CCDC91: variants seen among roughly 807,000 people sequenced by gnomAD.
The protein encoded by CCDC91 is coiled-coil domain containing 91, also known as coiled-coil domain-containing protein 91.
CCDC91 carries 48 observed loss-of-function variants against 63.2 expected under a neutral mutation model. The observed-to-expected ratio is 0.76, with a 90% CI of 0.60 to 0.97. The LOEUF (loss-of-function observed/expected upper bound fraction) is 0.97. CCDC91 is among the 50% of genes least tolerant of loss of function. The pLI is 0.00. For synonymous variants in CCDC91, 167 were observed against 165.8 expected, an observed-to-expected ratio of 1.01 and a Z score of -0.06; for missense variants, 500 against 494.6, an observed-to-expected ratio of 1.01 and a Z score of -0.10.
intron 8 of CCDC91, among the ~76,000 whole-genome samples, chr12:28,440,760 A>G (rs1949144029): frequency 1.3e-5 from 2 of 152,068 alleles, no homozygotes; most frequent in Admixed American, 1.3e-4. Flanking sequence ...CAGCAGGCTT[A>G]AAAGAAAAAA....
At chr12:28,292,167 G>T (rs1420942556) in intron 3 of CCDC91, among the ~76,000 whole-genome samples, 3 of 152,118 alleles carry the variant, frequency 2.0e-5, no homozygotes, top group Non-Finnish European at 2.9e-5. Flanking sequence ...ATCAGCAAAA[G>T]AACATAAAGT....
At chr12:28,433,271 G>T (rs1948727302) in intron 8 of CCDC91, among the ~76,000 whole-genome samples, 1 of 151,786 alleles carries the variant, frequency 6.6e-6, no homozygotes, top group Non-Finnish European at 1.5e-5. Context: ...TGCCTTTGGT[G>T]TTATATTTAA....
At chr12:28,520,394 T>C (rs530492187) in intron 12 of CCDC91, among the ~76,000 whole-genome samples, 1 of 152,148 alleles carries the variant, frequency 6.6e-6, no homozygotes, top group South Asian at 2.1e-4. Flanking sequence ...CGTTCTTACC[T>C]TTTGCCCACT....
At chr12:28,429,700 T>A (rs1174328301) in intron 8 of CCDC91, among the ~76,000 whole-genome samples, 2 of 152,062 alleles carry the variant, frequency 1.3e-5, no homozygotes, top group Non-Finnish European at 2.9e-5. Flanking sequence ...AAAATTAAGT[T>A]CCTTAAATGC....
chr12:28,527,625 G>A (rs369204521), intron 12 of CCDC91, among the ~76,000 whole-genome samples: 1 of 152,070 alleles, frequency 6.6e-6, no homozygotes, highest in Non-Finnish European at 1.5e-5. Flanking sequence ...TGGGAGTATG[G>A]GGGGGGAACA....
At chr12:28,338,191 G>A (rs1338151159) in intron 6 of CCDC91, among the ~76,000 whole-genome samples, 3 of 151,762 alleles carry the variant, frequency 2.0e-5, no homozygotes, top group Non-Finnish European at 4.4e-5. Flanking sequence ...GGTAATGGAA[G>A]GCCCCTCTGG....
chr12:28,330,129 C>T (rs1008169905), intron 6 of CCDC91, among the ~76,000 whole-genome samples: 7 of 152,052 alleles, frequency 4.6e-5, no homozygotes, highest in Admixed American at 3.9e-4. Context: ...GGGTCTATAC[C>T]CAGTAATGGG....
intron 7 of CCDC91, among the ~76,000 whole-genome samples, chr12:28,369,055 A>C (rs765630271): frequency 5.3e-5 from 8 of 152,144 alleles, no homozygotes; most frequent in Non-Finnish European, 1.2e-4. Context: ...GGCCCTTCCC[A>C]AATCTCATGT....
rs149932944 is a variant in CCDC91, at chr12:28,235,557, C to T, written c.-14-21645C>T. On this transcript the variant is annotated intron_variant, in intron 1 of 12. Transcript: ENST00000536442. ...TCTATTTATTAATCCAACTCTTGTT[C>T]TCCCACCATTAGGTTTCAGTTAATG... 8.0e-5 allele frequency among the ~76,000 whole-genome samples: 12 copies of T among 149,750 alleles called. No individual in the cohort carries two copies. In the East Asian group the frequency reaches 2.0e-3, roughly 25 times the overall value.
chr12:28,308,547 G>T (rs1217286311), intron 6 of CCDC91, among the ~76,000 whole-genome samples: 1 of 151,950 alleles, frequency 6.6e-6, no homozygotes, highest in Non-Finnish European at 1.5e-5. Flanking sequence ...TCAAGGCTCT[G>T]TGTTCCCTTA....
chr12:28,441,162 T>C (rs1949186730), intron 8 of CCDC91, among the ~76,000 whole-genome samples: 1 of 151,508 alleles, frequency 6.6e-6, no homozygotes, highest in South Asian at 2.1e-4. Context: ...TTTTTAGTCA[T>C]TATGGAAATT....
At chr12:28,376,683 A>T (rs1318985676) in intron 7 of CCDC91, among the ~76,000 whole-genome samples, 1 of 151,812 alleles carries the variant, frequency 6.6e-6, no homozygotes, top group Non-Finnish European at 1.5e-5. Flanking sequence ...AAGAGAAAGT[A>T]TCTTTTTGCA....
chr12:28,218,121 C>T (rs1398508461), intron 1 of CCDC91, among the ~76,000 whole-genome samples: 1 of 152,164 alleles, frequency 6.6e-6, no homozygotes, highest in East Asian at 1.9e-4. Flanking sequence ...GCCTGAGACA[C>T]TTTACATACA....
Position 28,201,119 on chromosome 12 carries a change from G to A in CCDC91, c.-15+10478G>A, listed in dbSNP as rs12802812. Among the ~76,000 whole-genome samples the A allele has an allele frequency of 4.0e-5, 6 of 150,614 alleles. No individual in the cohort carries two copies. The South Asian group carries it at 6.3e-4, about 16-fold the overall frequency. Reference sequence around the variant, plus strand: ...CACCTCCCGGACGGGGCGGCTGGCCGGGCGGGGGGCTGACCCCCACCTCCC... The same window carrying A: ...CACCTCCCGGACGGGGCGGCTGGCCAGGCGGGGGGCTGACCCCCACCTCCC... On this transcript the variant is annotated intron_variant, in intron 1 of 12. Transcript: ENST00000536442.
intron 7 of CCDC91, among the ~76,000 whole-genome samples, chr12:28,364,781 C>T (rs754493832): frequency 6.6e-6 from 1 of 152,166 alleles, no homozygotes; most frequent in African/African-American, 2.4e-5. Flanking sequence ...GAAAATCATT[C>T]CACTTCTTGT....
chr12:28,190,746 C>T (rs896636467), intron 1 of CCDC91, 105 bp downstream of exon 1: 2 of 152,188 alleles, frequency 1.3e-5, no homozygotes, highest in Admixed American at 6.5e-5. Flanking sequence ...GCTTCCGCCG[C>T]CTGCAGCCCG....
At chr12:28,382,164 T>A (rs969050211) in intron 7 of CCDC91, among the ~76,000 whole-genome samples, 1 of 152,018 alleles carries the variant, frequency 6.6e-6, no homozygotes, top group African/African-American at 2.4e-5. Context: ...TAACATTGAT[T>A]TAAGTCAAAC....
intron 3 of CCDC91, among the ~76,000 whole-genome samples, chr12:28,279,568 G>A (rs1948462883): frequency 2.6e-5 from 4 of 152,084 alleles, no homozygotes; most frequent in Admixed American, 1.3e-4. Context: ...ACTTTGGTGG[G>A]AGAGTAAATG....
At chr12:28,251,038 GA>G (rs1011865431) in intron 1 of CCDC91, among the ~76,000 whole-genome samples, 1 of 150,804 alleles carries the variant, frequency 6.6e-6, no homozygotes, top group Non-Finnish European at 1.5e-5. Context: ...AGAAGAGTCA[GA>G]AAAAAAACCA....
Sources: allele counts gnomAD v4.1 joint callset (sites outside exome capture counted in the v4.1 genomes callset), GRCh38; gene constraint gnomAD v4.1.1; transcripts MANE v1.5; gene names NCBI Gene and HGNC (gene_info 2026-07-23, HGNC 2026-07-21).